Variants in PAK5 observed in about 807,000 individuals in gnomAD.
PAK5 encodes p21 (RAC1) activated kinase 5.
In PAK5, 16 loss-of-function variants were observed where a neutral mutation model predicts 65.9. That is an observed-to-expected ratio of 0.24 (90% CI 0.16 to 0.37). The LOEUF (loss-of-function observed/expected upper bound fraction) is 0.37, where lower values mean the gene tolerates loss of function less well. Ranked by LOEUF, PAK5 falls within the 10% of genes least tolerant of loss-of-function variation. PAK5 has a pLI of 1.00. For synonymous variants in PAK5, 371 were observed against 354.9 expected (o/e 1.05, Z -0.51); for missense variants, 785 against 903.9 (o/e 0.87, Z 1.69).
chr20:9,559,256 C>G (rs1331637672), intron 6 of PAK5, among the ~76,000 whole-genome samples: 4 of 152,078 alleles, frequency 2.6e-5, no homozygotes. Flanking sequence ...AGGAGACTGT[C>G]AGGAGAGACA....
chr20:9,658,452 CCTAGG>C (rs1317953351), intron 2 of PAK5, among the ~76,000 whole-genome samples: 5 of 152,092 alleles, frequency 3.3e-5, no homozygotes, highest in African/African-American at 1.2e-4. Flanking sequence ...CCTCCTAAGA[CCTAGG>C]CTAGGAAAAG....
intron 1 of PAK5, among the ~76,000 whole-genome samples, chr20:9,768,759 G>T (rs1462492511): frequency 4.2e-5 from 6 of 142,946 alleles, no homozygotes; most frequent in Admixed American, 7.2e-5. Context: ...CTCCAGCCTG[G>T]GCAACAGAGC....
At chr20:9,627,646 A>T (rs896657162) in intron 3 of PAK5, among the ~76,000 whole-genome samples, 8 of 151,456 alleles carry the variant, frequency 5.3e-5, no homozygotes, top group Non-Finnish European at 7.4e-5. Flanking sequence ...TTTTTTTTTT[A>T]AATGGAGTCT....
At position 9,777,127 on chromosome 20, in the gene PAK5, C is replaced by T. The variant is rs141260888; in HGVS notation, c.-162+61635G>A. ...AGTTCCAGCCACTCAGGAGGCTAGGCTGAGATGGGAGGATTGCTTGAGCTC... is the reference window on the plus strand; with the variant it reads ...AGTTCCAGCCACTCAGGAGGCTAGGTTGAGATGGGAGGATTGCTTGAGCTC... On this transcript the variant is annotated intron_variant, in intron 1 of 9. Coordinates refer to ENST00000353224, the MANE Select transcript of PAK5 (RefSeq NM_177990.4). Among the ~76,000 whole-genome samples the T allele has an allele frequency of 3.9e-5, 6 of 152,232 alleles. No homozygotes were observed. The East Asian group carries it at 1.2e-3, about 29-fold the overall frequency.
intron 2 of PAK5, among the ~76,000 whole-genome samples, chr20:9,671,437 T>C (rs2123369185): frequency 6.6e-6 from 1 of 152,180 alleles, no homozygotes; most frequent in Admixed American, 6.5e-5. Flanking sequence ...GTTTGTATCC[T>C]CTTTTATTTC....
chr20:9,747,777 A>G (rs2048525892), intron 1 of PAK5, among the ~76,000 whole-genome samples: 1 of 151,328 alleles, frequency 6.6e-6, no homozygotes, highest in African/African-American at 2.4e-5. Flanking sequence ...AACTGGCACA[A>G]GACAGGGATG....
chr20:9,811,300 C>T (rs2049295320), intron 1 of PAK5, among the ~76,000 whole-genome samples: 1 of 152,048 alleles, frequency 6.6e-6, no homozygotes, highest in Non-Finnish European at 1.5e-5. Context: ...TCCCAAAGGC[C>T]GCCCAGTAAC....
intron 2 of PAK5, among the ~76,000 whole-genome samples, chr20:9,689,201 C>A (rs1304991141): frequency 1.3e-5 from 2 of 152,200 alleles, no homozygotes; most frequent in Non-Finnish European, 2.9e-5. Context: ...TCTGCAAACT[C>A]CCCTCTGCAG....
chr20:9,563,198 G>A (rs1673294252), intron 5 of PAK5, among the ~76,000 whole-genome samples, 174 bp from the exon 6 acceptor site: 1 of 152,128 alleles, frequency 6.6e-6, no homozygotes, highest in Non-Finnish European at 1.5e-5. Context: ...AGAAATAAAA[G>A]GAATCAAGGT....
At chr20:9,750,951 A>G (rs1296310749) in intron 1 of PAK5, among the ~76,000 whole-genome samples, 1 of 152,170 alleles carries the variant, frequency 6.6e-6, no homozygotes, top group Non-Finnish European at 1.5e-5. Flanking sequence ...TGCCCTAGCT[A>G]CCAAGAAAGT....
intron 3 of PAK5, among the ~76,000 whole-genome samples, chr20:9,599,687 T>C (rs1211332488): frequency 5.8e-4 from 89 of 152,172 alleles, no homozygotes; most frequent in Non-Finnish European, 4.4e-5. Flanking sequence ...CTTTTGCTTG[T>C]ATTTGAGTTG....
chr20:9,738,147 C>CA (rs1218480716), intron 1 of PAK5, among the ~76,000 whole-genome samples: 2 of 150,936 alleles, frequency 1.3e-5, no homozygotes, highest in African/African-American at 2.4e-5. Flanking sequence ...GTCTCAAAAA[C>CA]AAAAAACAAA....
intron 7 of PAK5, among the ~76,000 whole-genome samples, chr20:9,550,061 A>T (rs1347135352): frequency 6.6e-6 from 1 of 152,212 alleles, no homozygotes; most frequent in Non-Finnish European, 1.5e-5. Context: ...TTACACCAGC[A>T]TGTAAAATGT....
At chr20:9,732,516 C>T (rs569710039) in intron 1 of PAK5, among the ~76,000 whole-genome samples, 5 of 152,302 alleles carry the variant, frequency 3.3e-5, no homozygotes, top group Admixed American at 2.6e-4. Context: ...AGTCTACATC[C>T]TTCCAGGTTT....
chr20:9,672,303 T>C (rs2047510752), intron 2 of PAK5, among the ~76,000 whole-genome samples: 1 of 149,774 alleles, frequency 6.7e-6, no homozygotes, highest in Admixed American at 6.8e-5. Context: ...TGTATGGTTA[T>C]TTTATTTAAT....
At chr20:9,603,439 A>G (rs960005163) in intron 3 of PAK5, among the ~76,000 whole-genome samples, 1 of 152,076 alleles carries the variant, frequency 6.6e-6, no homozygotes, top group Admixed American at 6.5e-5. Flanking sequence ...GTTCTGCCCT[A>G]TTTATATCAG....
At chr20:9,707,688 T>C (rs2048025726) in intron 2 of PAK5, among the ~76,000 whole-genome samples, 1 of 152,192 alleles carries the variant, frequency 6.6e-6, no homozygotes, top group South Asian at 2.1e-4. Flanking sequence ...ATCCTTACAC[T>C]TATTCTCTTG....
intron 2 of PAK5, among the ~76,000 whole-genome samples, chr20:9,685,447 C>G (rs1208344781): frequency 6.6e-6 from 1 of 152,038 alleles, no homozygotes; most frequent in Admixed American, 6.6e-5. Flanking sequence ...GGGAGAACCA[C>G]AAATAATCAT....
chr20:9,608,664 G>A (rs2046500602), intron 3 of PAK5, among the ~76,000 whole-genome samples: 2 of 152,242 alleles, frequency 1.3e-5, no homozygotes, highest in African/African-American at 4.8e-5. Flanking sequence ...AAAAATGTGT[G>A]TGCAATGTGC....
Sources: allele counts gnomAD v4.1 joint callset (sites outside exome capture counted in the v4.1 genomes callset), GRCh38; gene constraint gnomAD v4.1.1; transcripts MANE v1.5; gene names NCBI Gene and HGNC (gene_info 2026-07-23, HGNC 2026-07-21).